The following SMAD1 variants were observed in gnomAD, a reference collection of about 807,000 sequenced individuals.
SMAD1 encodes the protein SMAD family member 1.
Under a neutral mutation model 41.6 loss-of-function variants are expected in SMAD1, and 6 were observed. The observed-to-expected ratio is 0.14, with a 90% CI of 0.08 to 0.28. The LOEUF (loss-of-function observed/expected upper bound fraction) is 0.28, where lower values mean the gene tolerates loss of function less well. SMAD1 is among the 10% of genes least tolerant of loss of function. SMAD1 has a pLI of 1.00. For synonymous variants in SMAD1, 206 were observed against 203.2 expected, an observed-to-expected ratio of 1.01 and a Z score of -0.12; for missense variants, 379 against 582.6, an observed-to-expected ratio of 0.65 and a Z score of 3.60.
At position 145,537,925 on chromosome 4, in the gene SMAD1, G is replaced by A. The variant is rs566808510; in HGVS notation, c.401-1879G>A. The stretch of plus-strand genomic sequence containing the variant: ...GTTTTTGCCATTAAATGCAAAAACT[G>A]AAATTATTTTTGCACCAACCTTAAT... On this transcript the variant is annotated intron_variant, in intron 2 of 6. Coordinates refer to ENST00000302085, the MANE Select transcript of SMAD1 (RefSeq NM_005900.3). Among the ~76,000 whole-genome samples the A allele has an allele frequency of 2.6e-5, 4 of 152,278 alleles. No individual in the cohort carries two copies. In the South Asian group the frequency reaches 8.3e-4, roughly 32 times the overall value.
Position 145,528,684 on chromosome 4 carries a change from C to G in SMAD1, c.401-11120C>G, listed in dbSNP as rs1243778342. Among the ~76,000 whole-genome samples, 7 of 152,204 alleles carry G rather than the reference C, an allele frequency of 4.6e-5. No homozygotes were observed. In the East Asian group the frequency reaches 1.3e-3, roughly 29 times the overall value. On this transcript the variant is annotated intron_variant, in intron 2 of 6. Coordinates refer to ENST00000302085, the MANE Select transcript of SMAD1 (RefSeq NM_005900.3). ...ATGCCTGGGTGACACCTAGGTTAAT[C>G]ATTTACATATCAATCGTGCAATAGA... is the stretch of plus-strand genomic sequence containing the variant.
At chr4:145,547,055 T>A in intron 5 of SMAD1, 131 bp downstream of exon 5, 1 of 736,210 alleles carries the variant, frequency 1.4e-6, no homozygotes, top group Non-Finnish European at 2.3e-6. Context: ...CTGCAGTTTG[T>A]AAATATTTTT....
intron 2 of SMAD1, among the ~76,000 whole-genome samples, chr4:145,522,733 G>A (rs182501429): frequency 1.3e-5 from 2 of 152,088 alleles, no homozygotes; most frequent in East Asian, 3.9e-4. Flanking sequence ...AGGCTGGAGT[G>A]CAATGGCATG....
intron 2 of SMAD1, among the ~76,000 whole-genome samples, chr4:145,529,308 C>A (rs761267815): frequency 1.6e-4 from 25 of 152,052 alleles, no homozygotes; most frequent in Non-Finnish European, 2.6e-4. Context: ...TAACAGAGCA[C>A]CTTCCTTCTG....
intron 4 of SMAD1, chr4:145,544,579 C>G (rs1357577637): frequency 6.9e-6 from 1 of 145,558 alleles, no homozygotes; most frequent in Non-Finnish European, 1.5e-5. Context: ...AAAACTCAGT[C>G]TCAAAAAAAA....
intron 1 of SMAD1, among the ~76,000 whole-genome samples, chr4:145,494,457 A>G (rs1560724305): frequency 1.3e-5 from 2 of 152,324 alleles, no homozygotes; most frequent in Non-Finnish European, 2.9e-5. Context: ...GCCTTTTATT[A>G]CAATTACCTT....
chr4:145,524,316 A>G (rs909478443), intron 2 of SMAD1, among the ~76,000 whole-genome samples: 3 of 151,906 alleles, frequency 2.0e-5, no homozygotes, highest in Non-Finnish European at 4.4e-5. Flanking sequence ...GAAGCTTGTT[A>G]TTTTAATTTT....
chr4:145,489,166 A>G (rs2126934894), intron 1 of SMAD1, among the ~76,000 whole-genome samples: 1 of 152,368 alleles, frequency 6.6e-6, no homozygotes, highest in Non-Finnish European at 1.5e-5. Flanking sequence ...TGTGGTTATC[A>G]TATCAAATAG....
chr4:145,511,688 T>G (rs942957121), intron 1 of SMAD1, among the ~76,000 whole-genome samples: 6 of 152,246 alleles, frequency 3.9e-5, no homozygotes, highest in African/African-American at 1.4e-4. Context: ...TACTTTACCA[T>G]GGCCTGGATA....
At chr4:145,546,991 T>TA in intron 5 of SMAD1, 67 bp downstream of exon 5, 1 of 1,221,746 alleles carries the variant, frequency 8.2e-7, no homozygotes, top group Non-Finnish European at 1.2e-6. Flanking sequence ...AGAGCTGACT[T>TA]AAAATCATTC....
rs544285901 is a variant in SMAD1, at chr4:145,524,417, C to T, written c.400+9404C>T. 2.6e-5 allele frequency among the ~76,000 whole-genome samples: 4 copies of T among 152,044 alleles called. No homozygotes were observed. The East Asian group carries it at 7.7e-4, about 29-fold the overall frequency. ...TGAATAGATACTGTTTCAGCCATTA[C>T]TGTATGTTACTTTTACATAAACTGT... On this transcript the variant is annotated intron_variant, in intron 2 of 6. Coordinates refer to ENST00000302085, the MANE Select transcript of SMAD1 (RefSeq NM_005900.3).
chr4:145,512,292 A>G (rs1261129217), intron 1 of SMAD1, among the ~76,000 whole-genome samples: 1 of 152,204 alleles, frequency 6.6e-6, no homozygotes, highest in Non-Finnish European at 1.5e-5. Flanking sequence ...GTCTGTTGAC[A>G]GTTTTGGAAA....
intron 2 of SMAD1, among the ~76,000 whole-genome samples, chr4:145,535,573 GCTAT>G (rs1368253339): frequency 2.0e-5 from 3 of 152,048 alleles, no homozygotes; most frequent in Non-Finnish European, 4.4e-5. Context: ...TATATAGTAG[GCTAT>G]CTTTCTTTTT....
At chr4:145,536,366 AG>A (rs1292976013) in intron 2 of SMAD1, among the ~76,000 whole-genome samples, 1 of 152,188 alleles carries the variant, frequency 6.6e-6, no homozygotes, top group Non-Finnish European at 1.5e-5. Context: ...TGGAAAGGGA[AG>A]GTAAGAGATA....
chr4:145,526,563 A>ACTGAT (rs1560747651), intron 2 of SMAD1, among the ~76,000 whole-genome samples: 1 of 152,204 alleles, frequency 6.6e-6, no homozygotes, highest in Admixed American at 6.5e-5. Flanking sequence ...GCATGTCACA[A>ACTGAT]GGACCCAGAG....
chr4:145,539,950 C>G lies in SMAD1; in HGVS notation c.547C>G (p.Pro183Ala). Residue 183 changes from proline to alanine, a missense_variant, in exon 3 of 7, where the codon CCG becomes GCG. By Grantham distance (27) the Pro-to-Ala change is conservative (BLOSUM62 -1). Transcript: ENST00000302085. The part of the protein sequence containing the change: ...PDSFQQPNSH[P>A]FPHSPNSSYP... ...TTCTTTCCAGCAACCCAACAGCCAC[C>G]CGTTTCCTCACTCTCCCAATAGCAG... The G allele has an allele frequency of 1.9e-6, 3 of 1,614,014 alleles. No homozygotes were observed. Among genetic ancestry groups the G allele is most frequent in the Non-Finnish European group, 2.5e-6 (3 of 1,179,988 alleles).
chr4:145,515,057 C>A (rs753039474), intron 2 of SMAD1, 44 bp downstream of exon 2: 15 of 1,522,704 alleles, frequency 9.9e-6, no homozygotes, highest in Middle Eastern at 3.5e-4. Flanking sequence ...GTGCCCAGTA[C>A]CAGATTTGTG....
chr4:145,512,949 T>G (rs895516145), intron 1 of SMAD1, among the ~76,000 whole-genome samples: 1 of 152,214 alleles, frequency 6.6e-6, no homozygotes, highest in African/African-American at 2.4e-5. Flanking sequence ...TCCGTTTCAT[T>G]TTTGCCCTTA....
chr4:145,505,676 G>A (rs1187164000), intron 1 of SMAD1, among the ~76,000 whole-genome samples: 1 of 151,080 alleles, frequency 6.6e-6, no homozygotes, highest in Non-Finnish European at 1.5e-5. Flanking sequence ...TAATCACTCT[G>A]AAGCCCACCA....
Sources: allele counts gnomAD v4.1 joint callset (sites outside exome capture counted in the v4.1 genomes callset), GRCh38; gene constraint gnomAD v4.1.1; transcripts MANE v1.5; gene names NCBI Gene and HGNC (gene_info 2026-07-23, HGNC 2026-07-21).